Variants in RB1 observed in about 807,000 individuals in gnomAD.
RB1 encodes the protein RB transcriptional corepressor 1.
Under a neutral mutation model 135.4 loss-of-function variants are expected in RB1, and 18 were observed. The ratio of observed to expected loss-of-function variants is 0.13; its 90% confidence interval spans 0.09 to 0.20. The LOEUF (loss-of-function observed/expected upper bound fraction) is 0.20. RB1 is among the 10% of genes least tolerant of loss of function. The pLI is 1.00. For missense variants in RB1, 868 were observed against 1,110.0 expected (o/e 0.78, Z 3.10); for synonymous variants, 365 against 373.2 (o/e 0.98, Z 0.25).
intron 2 of RB1, among the ~76,000 whole-genome samples, chr13:48,316,152 A>C (rs577323191): frequency 6.6e-6 from 1 of 152,160 alleles, no homozygotes; most frequent in Non-Finnish European, 1.5e-5. Flanking sequence ...GGGATTTCAC[A>C]TGCAACAGGG....
rs1202270604 is a variant in RB1 at position 48,480,554 on chromosome 13, C to T, written c.*483C>T. On this transcript the variant is annotated 3_prime_UTR_variant, in exon 27 of 27. Coordinates refer to ENST00000267163, the MANE Select transcript of RB1 (RefSeq NM_000321.3). The stretch of plus-strand genomic sequence containing the variant: ...TGCAATTTGATTGACTGCCCATTCA[C>T]CAAAATTATCCTGAACTCTTCTGCA... 8.8e-6 allele frequency: 2 copies of T among 227,266 alleles called. No individual in the cohort carries two copies. Among genetic ancestry groups the T allele is most frequent in the African/African-American group, 2.2e-5 (1 of 44,924 alleles). 14.1% of individuals were successfully genotyped at this position (227,266 alleles called of 1,614,324 possible).
intron 17 of RB1, chr13:48,426,819 G>A (rs900132024): frequency 1.3e-5 from 2 of 152,170 alleles, no homozygotes; most frequent in Non-Finnish European, 2.9e-5. Context: ...CCTGAGACTG[G>A]GTAATTTGTA....
At chr13:48,472,356 G>GTGT in intron 23 of RB1, among the ~76,000 whole-genome samples, 1 of 152,250 alleles carries the variant, frequency 6.6e-6, no homozygotes, top group East Asian at 1.9e-4. Context: ...ATGCTCTCAT[G>GTGT]TGTCTCTGTA....
At chr13:48,330,638 C>A (rs1952325635) in intron 2 of RB1, among the ~76,000 whole-genome samples, 2 of 152,204 alleles carry the variant, frequency 1.3e-5, no homozygotes, top group African/African-American at 4.8e-5. Flanking sequence ...TGACCAATAA[C>A]AAATAAGGGA....
chr13:48,434,162 A>G (rs1020480342), intron 17 of RB1, among the ~76,000 whole-genome samples: 1 of 152,004 alleles, frequency 6.6e-6, no homozygotes, highest in African/African-American at 2.4e-5. Context: ...TTCTTCTTCA[A>G]TGAGCCAGGC....
chr13:48,386,039 C>CT (rs1476898647), intron 17 of RB1, among the ~76,000 whole-genome samples: 1 of 38,456 alleles, frequency 2.6e-5, no homozygotes, highest in Non-Finnish European at 5.9e-5. Flanking sequence ...GACCCCATCT[C>CT]TTAAAAAAAA....
At chr13:48,383,239 T>A (rs1008969743) in intron 17 of RB1, among the ~76,000 whole-genome samples, 5 of 152,094 alleles carry the variant, frequency 3.3e-5, no homozygotes, top group Non-Finnish European at 7.4e-5. Context: ...TATTGTTCAA[T>A]TATAGGTATT....
chr13:48,347,188 G>T (rs4151472), intron 4 of RB1, among the ~76,000 whole-genome samples: 1,590 of 152,234 alleles, frequency 0.01, 29 homozygotes, highest in African/African-American at 0.034. Flanking sequence ...GGTAACTATA[G>T]TGGTGATTTT....
chr13:48,466,144 A>T (rs992603199), intron 23 of RB1, among the ~76,000 whole-genome samples: 4 of 146,560 alleles, frequency 2.7e-5, no homozygotes, highest in Non-Finnish European at 4.6e-5. Context: ...ACCTCTGCAG[A>T]CTTAAGTGTC....
In RB1 at chr13:48,386,891, G is replaced by A. The variant is rs562428299; in HGVS notation, c.1695+5448G>A. On this transcript the variant is annotated intron_variant, in intron 17 of 26. Transcript: ENST00000267163. ...TTCACGGGTAAGATATTCATTAAAA[G>A]TTCAAGATAAACCAATGGATTTTAA... 1.8e-3 allele frequency among the ~76,000 whole-genome samples: 281 copies of A among 152,254 alleles called. 2 individuals carry two copies. Among genetic ancestry groups the A allele is most frequent in the African/African-American group, 6.5e-3 (271 of 41,542 alleles).
intron 17 of RB1, among the ~76,000 whole-genome samples, chr13:48,423,455 A>C (rs1949036124): frequency 6.6e-6 from 1 of 152,184 alleles, no homozygotes; most frequent in Non-Finnish European, 1.5e-5. Flanking sequence ...AACAGGTTGC[A>C]CAAGAAACAT....
At chr13:48,460,592 TG>T (rs1295298835) in intron 20 of RB1, among the ~76,000 whole-genome samples, 1 of 152,230 alleles carries the variant, frequency 6.6e-6, no homozygotes, top group Non-Finnish European at 1.5e-5. Context: ...AATGAATGAA[TG>T]AAGTCAATTA....
At chr13:48,331,184 T>C (rs1952332211) in intron 2 of RB1, among the ~76,000 whole-genome samples, 1 of 152,214 alleles carries the variant, frequency 6.6e-6, no homozygotes, top group Non-Finnish European at 1.5e-5. Flanking sequence ...TTATACTCAG[T>C]GGGGAAACCT....
intron 6 of RB1, among the ~76,000 whole-genome samples, chr13:48,350,704 A>AT (rs1016755059): frequency 2.0e-5 from 3 of 151,972 alleles, no homozygotes; most frequent in Non-Finnish European, 4.4e-5. Flanking sequence ...TCCAATAGCT[A>AT]TTTTTTCTGT....
chr13:48,318,012 C>T (rs539520228), intron 2 of RB1: 6 of 496,046 alleles, frequency 1.2e-5, no homozygotes, highest in East Asian at 9.4e-5. Flanking sequence ...GAACTCCTGT[C>T]GTCAGACAGG....
intron 23 of RB1, among the ~76,000 whole-genome samples, chr13:48,466,668 TAGA>T (rs1329473432): frequency 6.0e-5 from 8 of 133,418 alleles, no homozygotes; most frequent in Non-Finnish European, 9.7e-5. Context: ...GAAAAAAATT[TAGA>T]AGAATATATA....
intron 6 of RB1, among the ~76,000 whole-genome samples, chr13:48,359,220 T>C (rs1952617337): frequency 6.6e-6 from 1 of 151,970 alleles, no homozygotes; most frequent in Non-Finnish European, 1.5e-5. Flanking sequence ...TAGGTATCTG[T>C]TATATGCATT....
chr13:48,303,888 C>T lies in RB1; in HGVS notation c.-25C>T, dbSNP rs2138026827. On this transcript the variant is annotated 5_prime_UTR_variant, in exon 1 of 27. Coordinates refer to ENST00000267163, the MANE Select transcript of RB1 (RefSeq NM_000321.3). Reference sequence around the variant, plus strand: ...CTCCCCGGCGCTCCTCCACAGCTCGCTGGCTCCCGCCGCGGAAAGGCGTCA... The same window carrying T: ...CTCCCCGGCGCTCCTCCACAGCTCGTTGGCTCCCGCCGCGGAAAGGCGTCA... 4 of 1,514,120 alleles carry T rather than the reference C, an allele frequency of 2.6e-6. No homozygotes were observed. Among genetic ancestry groups the T allele is most frequent in the Admixed American group, 2.0e-5 (1 of 49,302 alleles). The allele number at this position is 1,514,120 out of a possible 1,614,324, so 93.8% of individuals were successfully genotyped here.
At chr13:48,358,308 C>G (rs1160720578) in intron 6 of RB1, among the ~76,000 whole-genome samples, 1 of 152,024 alleles carries the variant, frequency 6.6e-6, no homozygotes, top group Non-Finnish European at 1.5e-5. Context: ...TTTTCCCCCT[C>G]GTATTGCTGG....
Sources: allele counts gnomAD v4.1 joint callset (sites outside exome capture counted in the v4.1 genomes callset), GRCh38; gene constraint gnomAD v4.1.1; transcripts MANE v1.5; gene names NCBI Gene and HGNC (gene_info 2026-07-23, HGNC 2026-07-21).